Variants in CLYBL observed in about 807,000 individuals in gnomAD.
The protein encoded by CLYBL is citramalyl-CoA lyase, also known as citramalyl-CoA lyase, mitochondrial.
Under a neutral mutation model 38.9 loss-of-function variants are expected in CLYBL, and 31 were observed. The observed-to-expected ratio is 0.80, with a 90% CI of 0.60 to 1.08. The LOEUF is 1.08. Ranked by LOEUF, CLYBL falls within the 50% of genes least tolerant of loss-of-function variation. CLYBL has a pLI of 0.00. For synonymous variants in CLYBL, 171 were observed against 158.6 expected (o/e 1.08, Z -0.59); for missense variants, 434 against 411.6 (o/e 1.05, Z -0.47).
intron 1 of CLYBL, among the ~76,000 whole-genome samples, chr13:99,640,073 A>G (rs1461303596): frequency 6.6e-6 from 1 of 152,222 alleles, no homozygotes; most frequent in East Asian, 1.9e-4. Context: ...AAACAGAATA[A>G]TCTGACTTTA....
In CLYBL at chr13:99,891,166, C is replaced by A. The variant is rs1021734972; in HGVS notation, c.928-152C>A. 3 of 596,830 alleles carry A rather than the reference C, an allele frequency of 5.0e-6. No homozygotes were observed. The African/African-American group carries it at 5.6e-5, about 11-fold the overall frequency. 37.0% of individuals were successfully genotyped at this position (596,830 alleles called of 1,614,324 possible). ...TAGGGGGAAAAAAGAAGTGTTTCCT[C>A]TGTAATTTACTTTGGCTTTCTCAAA... On this transcript the variant is annotated intron_variant, in intron 7 of 8. Coordinates refer to ENST00000339105, the MANE Select transcript of CLYBL (RefSeq NM_206808.5).
At chr13:99,661,448 T>A (rs1762485874) in intron 1 of CLYBL, among the ~76,000 whole-genome samples, 1 of 152,214 alleles carries the variant, frequency 6.6e-6, no homozygotes, top group Non-Finnish European at 1.5e-5. Flanking sequence ...CAAAATTAAC[T>A]GTTGTTATTC....
intron 1 of CLYBL, among the ~76,000 whole-genome samples, chr13:99,704,517 A>G (rs1186683339): frequency 6.6e-6 from 1 of 152,192 alleles, no homozygotes. Flanking sequence ...GATTATATCA[A>G]TTTATAACTT....
Position 99,858,880 on chromosome 13 carries a change from T to C in CLYBL, c.269T>C (p.Ile90Thr), listed in dbSNP as rs1362387153. 6.2e-7 allele frequency: 1 copy of C among 1,603,558 alleles called. No homozygotes were observed. The highest frequency in any genetic ancestry group is 2.2e-5 in the East Asian group (1 of 44,794). The stretch of plus-strand genomic sequence containing the variant: ...TTACAGAATGAAGCTCGACTGAGAA[T>C]TGTAAAAACTCTTGAAGACATTGAT... ...ANKKNEARLR[I>T]VKTLEDIDLG... The change falls in exon 3 of 9, where the codon ATT becomes ACT. Residue 90 changes from isoleucine (I) to threonine (T), a missense_variant. Coordinates refer to ENST00000339105, the MANE Select transcript of CLYBL (RefSeq NM_206808.5).
intron 5 of CLYBL, 65 bp downstream of exon 5, chr13:99,864,976 T>C (rs2051706120): frequency 8.4e-7 from 1 of 1,190,508 alleles, no homozygotes; most frequent in African/African-American, 1.5e-5. Flanking sequence ...TATATATTTT[T>C]TCTTTGCCCC....
intron 1 of CLYBL, among the ~76,000 whole-genome samples, chr13:99,649,639 G>A (rs767551942): frequency 1.5e-4 from 23 of 152,106 alleles, no homozygotes; most frequent in African/African-American, 4.8e-4. Context: ...GCCAAATCAC[G>A]CAGACTGCTT....
chr13:99,693,645 A>C (rs2047939563), intron 1 of CLYBL, among the ~76,000 whole-genome samples: 3 of 151,970 alleles, frequency 2.0e-5, no homozygotes. Context: ...GGCTGGTGGA[A>C]ACCCCAGTAT....
intron 1 of CLYBL, among the ~76,000 whole-genome samples, chr13:99,633,239 A>G (rs2046973437): frequency 1.4e-5 from 2 of 144,554 alleles, no homozygotes; most frequent in South Asian, 4.5e-4. Flanking sequence ...AAAAAAAGAG[A>G]AGAGAAGAAA....
chr13:99,818,369 A>G (rs973490935), intron 2 of CLYBL, among the ~76,000 whole-genome samples: 1 of 151,882 alleles, frequency 6.6e-6, no homozygotes, highest in African/African-American at 2.4e-5. Flanking sequence ...GTTAATAGAG[A>G]AAGACTGTGG....
intron 2 of CLYBL, among the ~76,000 whole-genome samples, chr13:99,850,626 A>G (rs946400895): frequency 1.3e-5 from 2 of 152,210 alleles, no homozygotes; most frequent in Non-Finnish European, 2.9e-5. Flanking sequence ...CAGTTCCTCA[A>G]AAAGCTAAAC....
At chr13:99,699,213 C>T (rs949908613) in intron 1 of CLYBL, among the ~76,000 whole-genome samples, 1 of 151,938 alleles carries the variant, frequency 6.6e-6, no homozygotes, top group African/African-American at 2.4e-5. Flanking sequence ...TGGAGAAACC[C>T]CGTCTCTATT....
rs113611443 is a variant in CLYBL at position 99,610,921 on chromosome 13, G to A, written c.62+4164G>A. Among the ~76,000 whole-genome samples the A allele has an allele frequency of 5.1e-3, 775 of 152,250 alleles. 12 individuals are homozygous for A. The highest frequency in any genetic ancestry group is 0.017 in the African/African-American group (711 of 41,538). On this transcript the variant is annotated intron_variant, in intron 1 of 8. Transcript: ENST00000339105. ...CTGATTGTTTGGACAAATGCCCTCC[G>A]GGAAAATACTGTTCCCACTGTGCAA... is the stretch of plus-strand genomic sequence containing the variant.
chr13:99,811,916 C>A (rs1051865415), intron 2 of CLYBL, among the ~76,000 whole-genome samples: 1 of 152,186 alleles, frequency 6.6e-6, no homozygotes, highest in African/African-American at 2.4e-5. Context: ...ATTGATAAAG[C>A]AATACCAGCC....
intron 4 of CLYBL, among the ~76,000 whole-genome samples, chr13:99,863,622 C>T (rs1176729657): frequency 3.3e-5 from 5 of 152,164 alleles, no homozygotes; most frequent in East Asian, 1.9e-4. Flanking sequence ...AATATACATG[C>T]GGGAATATTG....
downstream of CLYBL, chr13:99,893,357 C>T (rs1594251780): frequency 6.6e-6 from 1 of 152,338 alleles, no homozygotes; most frequent in East Asian, 1.9e-4. Context: ...CACCAGGTAA[C>T]CCAGGACCAC....
At chr13:99,666,978 G>A (rs930009115) in intron 1 of CLYBL, among the ~76,000 whole-genome samples, 10 of 152,086 alleles carry the variant, frequency 6.6e-5, no homozygotes, top group Admixed American at 2.0e-4. Context: ...CATAGAAGAC[G>A]GGTCCAAATG....
At chr13:99,821,058 T>C (rs1331516728) in intron 2 of CLYBL, among the ~76,000 whole-genome samples, 6 of 152,224 alleles carry the variant, frequency 3.9e-5, no homozygotes, top group Non-Finnish European at 8.8e-5. Flanking sequence ...CTTTATATGA[T>C]GTAGAAATAC....
chr13:99,883,990 C>T (rs1719875367), intron 7 of CLYBL, among the ~76,000 whole-genome samples: 2 of 152,244 alleles, frequency 1.3e-5, no homozygotes, highest in South Asian at 2.1e-4. Flanking sequence ...TAACTTGAGC[C>T]CAAGCCAACA....
Position 99,697,186 on chromosome 13 carries a change from T to G in CLYBL, c.63-75638T>G, listed in dbSNP as rs552070336. ...GAATTGTAGCACTCTGCTTTCCTCATCTGTAAAATGGGTATAATCAAAGTC... is the reference window on the plus strand; with the variant it reads ...GAATTGTAGCACTCTGCTTTCCTCAGCTGTAAAATGGGTATAATCAAAGTC... On this transcript the variant is annotated intron_variant, in intron 1 of 8. Coordinates refer to ENST00000339105, the MANE Select transcript of CLYBL (RefSeq NM_206808.5). Among the ~76,000 whole-genome samples the G allele has an allele frequency of 2.0e-5, 3 of 152,296 alleles. No individual in the cohort carries two copies. The South Asian group carries it at 6.2e-4, about 32-fold the overall frequency.
Sources: allele counts gnomAD v4.1 joint callset (sites outside exome capture counted in the v4.1 genomes callset), GRCh38; gene constraint gnomAD v4.1.1; transcripts MANE v1.5; gene names NCBI Gene and HGNC (gene_info 2026-07-23, HGNC 2026-07-21).